The following PIK3CB variants were observed in gnomAD, a reference collection of about 807,000 sequenced individuals.
PIK3CB encodes phosphatidylinositol-4,5-bisphosphate 3-kinase catalytic subunit beta, also known as phosphatidylinositol 4,5-bisphosphate 3-kinase catalytic subunit beta isoform.
In PIK3CB, 39 loss-of-function variants were observed where a neutral mutation model predicts 136.8. That is an observed-to-expected ratio of 0.29 (90% CI 0.22 to 0.37). The LOEUF (loss-of-function observed/expected upper bound fraction) is 0.37, where lower values mean the gene tolerates loss of function less well. Ranked by LOEUF, PIK3CB falls within the 10% of genes least tolerant of loss-of-function variation. The pLI, the probability that PIK3CB is intolerant of heterozygous loss-of-function variation, is 1.00. For missense variants in PIK3CB, 868 were observed against 1,275.4 expected (o/e 0.68, Z 4.87); for synonymous variants, 428 against 436.6 (o/e 0.98, Z 0.25).
chr3:138,705,130 A>C (rs2108551079), intron 11 of PIK3CB, among the ~76,000 whole-genome samples: 1 of 141,530 alleles, frequency 7.1e-6, no homozygotes, highest in Admixed American at 7.4e-5. Context: ...TTCTTCAAGA[A>C]AGACTCTCCA....
intron 6 of PIK3CB, among the ~76,000 whole-genome samples, chr3:138,736,555 G>A (rs924001926): frequency 5.3e-5 from 8 of 152,098 alleles, no homozygotes; most frequent in African/African-American, 1.9e-4. Context: ...TAGTCTCCAA[G>A]ATATTTCAAC....
At chr3:138,767,589 A>C (rs1272696360) in intron 2 of PIK3CB, among the ~76,000 whole-genome samples, 1 of 152,156 alleles carries the variant, frequency 6.6e-6, no homozygotes, top group Non-Finnish European at 1.5e-5. Flanking sequence ...ACACTATGGG[A>C]CTGGATCCCA....
At chr3:138,811,818 GTGGCT>G (rs1412526440) in intron 1 of PIK3CB, among the ~76,000 whole-genome samples, 1 of 152,112 alleles carries the variant, frequency 6.6e-6, no homozygotes, top group Non-Finnish European at 1.5e-5. Flanking sequence ...GCTAGGCATG[GTGGCT>G]TATGCCTGTA....
chr3:138,706,483 G>A (rs2108557801), intron 11 of PIK3CB, among the ~76,000 whole-genome samples: 1 of 152,318 alleles, frequency 6.6e-6, no homozygotes, highest in African/African-American at 2.4e-5. Context: ...TGTTCTTTGA[G>A]TATCAATTCT....
intron 18 of PIK3CB, among the ~76,000 whole-genome samples, chr3:138,682,250 T>C (rs1380358913): frequency 1.3e-5 from 2 of 152,232 alleles, no homozygotes; most frequent in Non-Finnish European, 2.9e-5. Context: ...ATTTTTTAAA[T>C]TGTTTGCCAT....
intron 2 of PIK3CB, among the ~76,000 whole-genome samples, chr3:138,768,022 G>T (rs572697858): frequency 6.6e-6 from 1 of 152,230 alleles, no homozygotes; most frequent in Non-Finnish European, 1.5e-5. Flanking sequence ...GCAGCCAAGC[G>T]GAGGGTGAGC....
chr3:138,794,574 G>A (rs1008899193), intron 2 of PIK3CB, among the ~76,000 whole-genome samples: 2 of 152,086 alleles, frequency 1.3e-5, no homozygotes, highest in Non-Finnish European at 2.9e-5. Context: ...ATTGATAAAG[G>A]GGATGCATCA....
rs540179 is a variant in PIK3CB, at chr3:138,728,281, A to G, written c.1050+5080T>C. Among the ~76,000 whole-genome samples, 1,135 of 152,262 alleles carry G rather than the reference A, an allele frequency of 7.5e-3. 24 individuals are homozygous for G. Among genetic ancestry groups the G allele is most frequent in the African/African-American group, 0.025 (1,049 of 41,540 alleles). ...AGAAGGCTTCTCACCTCATTATATG[A>G]CCAACGTTATTCTAATACCAAAATC... On this transcript the variant is annotated intron_variant, in intron 8 of 23. Coordinates refer to ENST00000674063, the MANE Select transcript of PIK3CB (RefSeq NM_006219.3).
chr3:138,785,638 C>CA (rs780023626), intron 2 of PIK3CB, among the ~76,000 whole-genome samples: 33 of 152,128 alleles, frequency 2.2e-4, no homozygotes, highest in Non-Finnish European at 4.1e-4. Context: ...TAAGAGTCAT[C>CA]ACCACTCCCT....
rs59299476 is a variant in PIK3CB at position 138,747,054 on chromosome 3, TTATATATATATATATATATA to T, written c.398-4293_398-4274del. ...CAGTACATATCAAGCTATTCAGCCT[TTATATATATATATATATATA>T]TATATATATATATATATATATATAT... On this transcript the variant is annotated intron_variant, in intron 4 of 23. Coordinates refer to ENST00000674063, the MANE Select transcript of PIK3CB (RefSeq NM_006219.3). Among the ~76,000 whole-genome samples, 216 of 42,234 alleles carry T rather than the reference TTATATATATATATATATATA, an allele frequency of 5.1e-3. 3 individuals carry two copies. Among genetic ancestry groups the T allele is most frequent in the Middle Eastern group, 0.03 (2 of 66 alleles). The allele number at this position is 42,234 out of a possible 152,430, so 27.7% of individuals were successfully genotyped here. A position where few individuals can be genotyped will look rare whatever the true frequency, so the allele number is the denominator to read the frequency against.
chr3:138,799,239 A>G (rs1474554249), intron 1 of PIK3CB, among the ~76,000 whole-genome samples: 5 of 145,054 alleles, frequency 3.4e-5, no homozygotes. Context: ...GTGCAGTGGC[A>G]TGATCTTGAC....
At chr3:138,686,758 C>T (rs2043902198) in intron 16 of PIK3CB, among the ~76,000 whole-genome samples, 1 of 152,034 alleles carries the variant, frequency 6.6e-6, no homozygotes, top group African/African-American at 2.4e-5. Context: ...GCAAGGAAAC[C>T]ACTAAGACTA....
chr3:138,705,155 C>CAAAAAAAAAAAA lies in PIK3CB; in HGVS notation c.1531-674_1531-663dup, dbSNP rs1312893752. Reference sequence around the variant, plus strand: ...AAGACTCTCCAAGAGATTAGAAAGGCAAAAAAAAAAAAAAAAAACAAAAAA... The same window carrying CAAAAAAAAAAAA: ...AAGACTCTCCAAGAGATTAGAAAGGCAAAAAAAAAAAAAAAAAAAAAAAAAAAAAACAAAAAA... On this transcript the variant is annotated intron_variant, in intron 11 of 23. Coordinates refer to ENST00000674063, the MANE Select transcript of PIK3CB (RefSeq NM_006219.3). Among the ~76,000 whole-genome samples the CAAAAAAAAAAAA allele has an allele frequency of 4.8e-3, 141 of 29,556 alleles. 15 individuals carry two copies. Among genetic ancestry groups the CAAAAAAAAAAAA allele is most frequent in the East Asian group, 8.7e-3 (2 of 230 alleles). The allele number at this position is 29,556 out of a possible 152,430, so 19.4% of individuals were successfully genotyped here.
At chr3:138,804,850 C>T (rs2046214249) in intron 1 of PIK3CB, among the ~76,000 whole-genome samples, 2 of 151,922 alleles carry the variant, frequency 1.3e-5, no homozygotes. Context: ...TGGTGAAACC[C>T]CGTCTCTACT....
chr3:138,806,308 A>G (rs542560119), intron 1 of PIK3CB, among the ~76,000 whole-genome samples: 46 of 152,204 alleles, frequency 3.0e-4, no homozygotes, highest in African/African-American at 1.1e-3. Context: ...CAACATGGCA[A>G]AACCTCGTCT....
At chr3:138,779,237 C>G (rs972184708) in intron 2 of PIK3CB, among the ~76,000 whole-genome samples, 2 of 151,970 alleles carry the variant, frequency 1.3e-5, no homozygotes, top group African/African-American at 4.8e-5. Context: ...AGGTACCCAC[C>G]ACCATGCCCG....
Position 138,741,803 on chromosome 3 carries a change from G to A in PIK3CB, c.621+755C>T, listed in dbSNP as rs577854541. On this transcript the variant is annotated intron_variant, in intron 5 of 23. Coordinates refer to ENST00000674063, the MANE Select transcript of PIK3CB (RefSeq NM_006219.3). Reference sequence around the variant, plus strand: ...AGATTGCGCCATCGCACTCCAGCCTGGGCAACAGAGCAAGACTCCGTCTAA... The same window carrying A: ...AGATTGCGCCATCGCACTCCAGCCTAGGCAACAGAGCAAGACTCCGTCTAA... Among the ~76,000 whole-genome samples, 17 of 151,574 alleles carry A rather than the reference G, an allele frequency of 1.1e-4. No individual in the cohort carries two copies. The East Asian group carries it at 2.7e-3, about 24-fold the overall frequency.
chr3:138,707,093 C>A, intron 11 of PIK3CB, 66 bp downstream of exon 11: 1 of 992,906 alleles, frequency 1.0e-6, no homozygotes, highest in Non-Finnish European at 1.6e-6. Context: ...AGAGCTTAAA[C>A]TATACATAGA....
intron 4 of PIK3CB, among the ~76,000 whole-genome samples, chr3:138,747,989 A>G (rs2045395346): frequency 6.6e-6 from 1 of 152,206 alleles, no homozygotes; most frequent in Non-Finnish European, 1.5e-5. Context: ...ATAAATGTTT[A>G]TGTGTGCATT....
Sources: allele counts gnomAD v4.1 joint callset (sites outside exome capture counted in the v4.1 genomes callset), GRCh38; gene constraint gnomAD v4.1.1; transcripts MANE v1.5; gene names NCBI Gene and HGNC (gene_info 2026-07-23, HGNC 2026-07-21).